The following TENM3 variants were observed in gnomAD, a reference collection of about 807,000 sequenced individuals.
TENM3 encodes teneurin transmembrane protein 3.
A neutral mutation model predicts 255.1 loss-of-function variants in TENM3; 63 were observed. The ratio of observed to expected loss-of-function variants is 0.25; its 90% CI spans 0.20 to 0.30. The LOEUF is 0.30. Ranked by LOEUF, TENM3 falls within the 10% of genes least tolerant of loss-of-function variation. The probability of loss-of-function intolerance (pLI) is 1.00; values close to 1 mark genes in which losing one functional copy is unlikely to be tolerated. For missense variants in TENM3, 2,929 were observed against 3,461.1 expected (o/e 0.85, Z 3.86); for synonymous variants, 1,306 against 1,322.3 (o/e 0.99, Z 0.27).
the TENM3 span, among the ~76,000 whole-genome samples, chr4:181,995,218 G>T: frequency 7.2e-5 from 11 of 151,996 alleles, no homozygotes; most frequent in Middle Eastern, 3.4e-3. Flanking sequence ...TGAACCCGGG[G>T]GGCGGAGGTT....
At chr4:181,683,006 C>G in the TENM3 span, among the ~76,000 whole-genome samples, 1 of 150,798 alleles carries the variant, frequency 6.6e-6, no homozygotes, top group Non-Finnish European at 1.5e-5. Flanking sequence ...TTGAGACCAG[C>G]CTTGGCAACA....
the TENM3 span, among the ~76,000 whole-genome samples, chr4:181,854,503 AC>A: frequency 0.018 from 2,758 of 152,314 alleles, 46 homozygotes; most frequent in Middle Eastern, 0.051. Flanking sequence ...CCCCTTTCCA[AC>A]TGGCAATAAA....
At chr4:181,983,635 A>G in the TENM3 span, among the ~76,000 whole-genome samples, 1 of 152,134 alleles carries the variant, frequency 6.6e-6, no homozygotes, top group African/African-American at 2.4e-5. Context: ...ATAATTACCA[A>G]TACAAGCAGA....
the TENM3 span, among the ~76,000 whole-genome samples, chr4:181,955,300 A>AT: frequency 4.6e-5 from 7 of 152,120 alleles, no homozygotes; most frequent in Admixed American, 4.6e-4. Context: ...AAACAATCTG[A>AT]TTTTTTTCCT....
intron 2 of TENM3, among the ~76,000 whole-genome samples, chr4:182,327,814 T>C (rs1763507983): frequency 6.6e-6 from 1 of 152,238 alleles, no homozygotes; most frequent in African/African-American, 2.4e-5. Flanking sequence ...GAAGAAAATT[T>C]ATCCCATCAG....
At chr4:181,651,499 A>C in the TENM3 span, among the ~76,000 whole-genome samples, 1 of 151,992 alleles carries the variant, frequency 6.6e-6, no homozygotes, top group East Asian at 1.9e-4. Flanking sequence ...GAGGCAAGAG[A>C]ATCACTTGAA....
At chr4:182,504,609 C>CT (rs1560840874) in intron 3 of TENM3, among the ~76,000 whole-genome samples, 1 of 152,194 alleles carries the variant, frequency 6.6e-6, no homozygotes, top group Non-Finnish European at 1.5e-5. Context: ...CGAATTAGTT[C>CT]TTATTCGCAT....
intron 1 of TENM3, among the ~76,000 whole-genome samples, chr4:182,225,739 A>T (rs372255254): frequency 6.6e-6 from 1 of 152,158 alleles, no homozygotes. Flanking sequence ...TTGGAGCCCA[A>T]AGGAAAAAGC....
intron 1 of TENM3, among the ~76,000 whole-genome samples, chr4:182,255,373 T>A (rs113882051): frequency 9.9e-5 from 15 of 152,282 alleles, no homozygotes; most frequent in African/African-American, 3.6e-4. Context: ...TGATCAGCAA[T>A]GGAAGAAAAG....
chr4:182,786,000 G>T (rs578238883), intron 24 of TENM3, among the ~76,000 whole-genome samples: 1 of 152,308 alleles, frequency 6.6e-6, no homozygotes, highest in African/African-American at 2.4e-5. Flanking sequence ...CAGTAAGAAT[G>T]GTTAAAGCCT....
intron 24 of TENM3, among the ~76,000 whole-genome samples, chr4:182,788,544 CA>C (rs552181412): frequency 2.4e-3 from 358 of 152,300 alleles, no homozygotes; most frequent in African/African-American, 8.2e-3. Flanking sequence ...GACGCCTTCT[CA>C]AAAAACTGTG....
At chr4:181,564,416 G>A in the TENM3 span, among the ~76,000 whole-genome samples, 1 of 152,080 alleles carries the variant, frequency 6.6e-6, no homozygotes, top group Admixed American at 6.6e-5. Context: ...GCCCAGAGTT[G>A]CAGAACTATT....
intron 24 of TENM3, among the ~76,000 whole-genome samples, chr4:182,783,893 G>GT: frequency 6.6e-6 from 1 of 152,034 alleles, no homozygotes; most frequent in South Asian, 2.1e-4. Context: ...TCGAGCCTTG[G>GT]TTTTCAGCTC....
At chr4:182,222,069 G>A (rs978449344) in intron 1 of TENM3, among the ~76,000 whole-genome samples, 1 of 152,292 alleles carries the variant, frequency 6.6e-6, no homozygotes, top group Non-Finnish European at 1.5e-5. Flanking sequence ...CTCCATCAGC[G>A]ATTCCAGGCA....
chr4:181,574,330 G>C, the TENM3 span, among the ~76,000 whole-genome samples: 1 of 151,908 alleles, frequency 6.6e-6, no homozygotes, highest in African/African-American at 2.4e-5. Context: ...AGGAGATCGA[G>C]ACCATCCTGG....
the TENM3 span, among the ~76,000 whole-genome samples, chr4:181,929,637 A>T: frequency 6.6e-6 from 1 of 152,178 alleles, no homozygotes; most frequent in Non-Finnish European, 1.5e-5. Context: ...ACAGCAAATT[A>T]ACAAGGATAT....
Position 182,680,526 on chromosome 4 carries a change from C to A in TENM3, c.1640-17C>A. On this transcript the variant is annotated splice_polypyrimidine_tract_variant and intron_variant, in intron 9 of 27. Transcript: ENST00000511685. ...GAAAGTGTGGCTGTAATTCTTCTGTCGTGTCTTGTTTCACAGCCGCCTGTC... is the reference window on the plus strand; with the variant it reads ...GAAAGTGTGGCTGTAATTCTTCTGTAGTGTCTTGTTTCACAGCCGCCTGTC... 1.2e-6 allele frequency: 2 copies of A among 1,610,980 alleles called. No homozygotes were observed. Among genetic ancestry groups the A allele is most frequent in the South Asian group, 1.1e-5 (1 of 90,490 alleles).
At chr4:181,871,279 A>G in the TENM3 span, among the ~76,000 whole-genome samples, 1 of 152,028 alleles carries the variant, frequency 6.6e-6, no homozygotes. Flanking sequence ...CATTTTCTAT[A>G]AAAGAGCTTT....
chr4:182,612,113 C>CA (rs565705985), intron 4 of TENM3, among the ~76,000 whole-genome samples: 3,036 of 150,318 alleles, frequency 0.02, 41 homozygotes, highest in Middle Eastern at 0.037. Flanking sequence ...ACTAAAAATA[C>CA]AAAAAAAAAT....
Sources: gnomAD v4.1 joint callset for allele counts (sites outside exome capture counted in the v4.1 genomes callset) on GRCh38, gnomAD v4.1.1 for gene constraint, MANE v1.5 for transcripts, NCBI Gene and HGNC (gene_info 2026-07-23, HGNC 2026-07-21) for gene names.